The following KCNAB1 variants were observed in gnomAD, a reference collection of about 807,000 sequenced individuals.
The protein encoded by KCNAB1 is voltage-gated potassium channel subunit beta-1.
A neutral mutation model predicts 64.6 loss-of-function variants in KCNAB1; 35 were observed. The observed-to-expected ratio is 0.54, with a 90% confidence interval of 0.41 to 0.72. KCNAB1 has a LOEUF of 0.72. KCNAB1 is among the 30% of genes least tolerant of loss of function. The pLI, the probability that KCNAB1 is intolerant of heterozygous loss-of-function variation, is 0.00. For missense variants in KCNAB1, 401 were observed against 512.9 expected (o/e 0.78, Z 2.11); for synonymous variants, 177 against 183.8 (o/e 0.96, Z 0.30).
chr3:156,372,372 TG>T (rs1422535930), intron 1 of KCNAB1, among the ~76,000 whole-genome samples: 8 of 152,350 alleles, frequency 5.3e-5, no homozygotes, highest in African/African-American at 1.9e-4. Flanking sequence ...CTCATAGGGT[TG>T]TTTTCAGGAT....
intron 1 of KCNAB1, among the ~76,000 whole-genome samples, chr3:156,193,030 A>G (rs1446126634): frequency 6.6e-6 from 1 of 152,086 alleles, no homozygotes; most frequent in African/African-American, 2.4e-5. Context: ...TTGGATTTAA[A>G]TCTACCATTC....
At chr3:156,187,230 T>G (rs1320443966) in intron 1 of KCNAB1, among the ~76,000 whole-genome samples, 1 of 152,190 alleles carries the variant, frequency 6.6e-6, no homozygotes, top group African/African-American at 2.4e-5. Flanking sequence ...TTCTCAGAGA[T>G]TCATGCTTGG....
chr3:156,390,001 C>T (rs1049219936), intron 1 of KCNAB1, among the ~76,000 whole-genome samples: 4 of 152,102 alleles, frequency 2.6e-5, no homozygotes, highest in Non-Finnish European at 4.4e-5. Context: ...GGGTGTCGAT[C>T]TCTGCTTACA....
chr3:156,442,156 G>C (rs1717051562), intron 2 of KCNAB1, among the ~76,000 whole-genome samples: 1 of 152,136 alleles, frequency 6.6e-6, no homozygotes, highest in Admixed American at 6.5e-5. Flanking sequence ...GAAATTTAAG[G>C]AAATTAAGCC....
intron 1 of KCNAB1, among the ~76,000 whole-genome samples, chr3:156,309,503 G>T (rs939389349): frequency 6.6e-6 from 1 of 152,228 alleles, no homozygotes; most frequent in East Asian, 1.9e-4. Context: ...CACCATGATA[G>T]GGTTTCTGCA....
intron 1 of KCNAB1, among the ~76,000 whole-genome samples, chr3:156,363,421 C>T (rs937535627): frequency 7.9e-5 from 12 of 151,922 alleles, no homozygotes; most frequent in Admixed American, 2.0e-4. Flanking sequence ...TCTGATCAAG[C>T]ATATTGCTTA....
At position 156,286,592 on chromosome 3, in the gene KCNAB1, A is replaced by T. The variant is rs189300638; in HGVS notation, c.276-135024A>T. Among the ~76,000 whole-genome samples, 918 of 152,294 alleles carry T rather than the reference A, an allele frequency of 6.0e-3. 3 individuals are homozygous for T. The highest frequency in any genetic ancestry group is 5.6e-3 in the Non-Finnish European group (383 of 68,028). On this transcript the variant is annotated intron_variant, in intron 1 of 13. Coordinates refer to ENST00000490337, the MANE Select transcript of KCNAB1 (RefSeq NM_172160.3). ...TAACTTGCCAGGTGATAGGAAAAAA[A>T]TTTTTTTAAGCAACAGGAATAAATT... is the stretch of plus-strand genomic sequence containing the variant.
intron 7 of KCNAB1, among the ~76,000 whole-genome samples, chr3:156,467,029 A>C (rs1292222160): frequency 6.6e-6 from 1 of 152,092 alleles, no homozygotes; most frequent in Admixed American, 6.5e-5. Flanking sequence ...AATACACCTA[A>C]CCTACTAAAC....
chr3:156,481,636 A>G (rs1453081103), intron 8 of KCNAB1, among the ~76,000 whole-genome samples: 1 of 152,102 alleles, frequency 6.6e-6, no homozygotes, highest in Admixed American at 6.6e-5. Flanking sequence ...GGTTCTTTCC[A>G]TCTCAAGTTC....
At chr3:156,424,194 G>C (rs753449291) in intron 2 of KCNAB1, among the ~76,000 whole-genome samples, 7 of 152,166 alleles carry the variant, frequency 4.6e-5, no homozygotes, top group Non-Finnish European at 7.3e-5. Flanking sequence ...GCAGTGAGAA[G>C]TGAGCTAAAA....
At chr3:156,472,362 G>A (rs944301609) in intron 7 of KCNAB1, among the ~76,000 whole-genome samples, 3 of 152,142 alleles carry the variant, frequency 2.0e-5, no homozygotes, top group Admixed American at 2.0e-4. Context: ...TCAGCAGGTG[G>A]AGCCATCAGT....
chr3:156,445,616 G>A (rs552798826), intron 2 of KCNAB1, among the ~76,000 whole-genome samples: 6 of 152,342 alleles, frequency 3.9e-5, no homozygotes, highest in Admixed American at 2.0e-4. Context: ...TAGTAAGGGT[G>A]AGAATGCTTA....
intron 1 of KCNAB1, among the ~76,000 whole-genome samples, chr3:156,288,932 C>CCTTT (rs1190708028): frequency 6.6e-6 from 1 of 152,172 alleles, no homozygotes; most frequent in African/African-American, 2.4e-5. Context: ...TACCTTCCTT[C>CCTTT]CTTTCTTCCT....
At chr3:156,516,039 T>C (rs1304692280) in intron 10 of KCNAB1, among the ~76,000 whole-genome samples, 2 of 152,140 alleles carry the variant, frequency 1.3e-5, no homozygotes, top group Admixed American at 1.3e-4. Context: ...CTTTCTGATA[T>C]GCACTCCCAA....
At chr3:156,301,567 A>G (rs1721155152) in intron 1 of KCNAB1, among the ~76,000 whole-genome samples, 1 of 152,330 alleles carries the variant, frequency 6.6e-6, no homozygotes, top group African/African-American at 2.4e-5. Context: ...AAGAGACCCA[A>G]ATAGAAAGGA....
intron 8 of KCNAB1, among the ~76,000 whole-genome samples, chr3:156,486,228 A>G (rs1360900191): frequency 6.6e-6 from 1 of 152,086 alleles, no homozygotes. Flanking sequence ...TCCTGATTCC[A>G]TCAGCTCCTC....
intron 8 of KCNAB1, among the ~76,000 whole-genome samples, chr3:156,484,805 T>C (rs2108339284): frequency 6.6e-6 from 1 of 152,098 alleles, no homozygotes; most frequent in East Asian, 1.9e-4. Flanking sequence ...GAAGTATTAA[T>C]AATGAGAGTA....
At chr3:156,166,530 T>TACACAC (rs57754528) in intron 1 of KCNAB1, among the ~76,000 whole-genome samples, 13,175 of 148,828 alleles carry the variant, frequency 0.089, 801 homozygotes, top group Non-Finnish European at 0.13. Flanking sequence ...AATACATATA[T>TACACAC]ACACACACAC....
chr3:156,514,358 C>A lies in KCNAB1; in HGVS notation c.659-6C>A. 2 of 1,612,354 alleles carry A rather than the reference C, an allele frequency of 1.2e-6. No individual in the cohort carries two copies. The highest frequency in any genetic ancestry group is 1.7e-6 in the Non-Finnish European group (2 of 1,178,380). On this transcript the variant is annotated splice_region_variant and splice_polypyrimidine_tract_variant and intron_variant, in intron 8 of 13. Coordinates refer to ENST00000490337, the MANE Select transcript of KCNAB1 (RefSeq NM_172160.3). ...CATGAAATGCTGTCTGTTTGACCTTCCACAGAAATTGTCCGAGCCATGACA... is the reference window on the plus strand; with the variant it reads ...CATGAAATGCTGTCTGTTTGACCTTACACAGAAATTGTCCGAGCCATGACA...
Sources: allele counts gnomAD v4.1 joint callset (sites outside exome capture counted in the v4.1 genomes callset), GRCh38; gene constraint gnomAD v4.1.1; transcripts MANE v1.5; gene names NCBI Gene and HGNC (gene_info 2026-07-23, HGNC 2026-07-21).